Variants in HLA-DRB1 observed in about 807,000 individuals in gnomAD.
The protein encoded by HLA-DRB1 is major histocompatibility complex, class II, DR beta 1.
In HLA-DRB1, 10 loss-of-function variants were observed where a neutral mutation model predicts 27.9. The observed-to-expected ratio is 0.36, with a 90% CI of 0.22 to 0.61. The LOEUF (loss-of-function observed/expected upper bound fraction) is 0.61. Among genes scored for constraint, HLA-DRB1 ranks in the 20% least tolerant of loss-of-function variants. The pLI is 0.73. For synonymous variants in HLA-DRB1, 57 were observed against 126.7 expected, an observed-to-expected ratio of 0.45 and a Z score of 3.69; for missense variants, 118 against 306.3, an observed-to-expected ratio of 0.39 and a Z score of 4.59.
At chr6:32,582,951 AAT>A (rs1775778234) in intron 2 of HLA-DRB1, among the ~76,000 whole-genome samples, 3 of 117,572 alleles carry the variant, frequency 2.6e-5, no homozygotes, top group Admixed American at 9.6e-5. Context: ...CATTAATAAA[AAT>A]GTTGCAATAT....
chr6:32,582,029 AGGTGT>A (rs1561805280), intron 2 of HLA-DRB1, among the ~76,000 whole-genome samples, 191 bp from the exon 3 acceptor site: 1 of 124,016 alleles, frequency 8.1e-6, no homozygotes, highest in African/African-American at 3.3e-5. Flanking sequence ...TAGATTTGAG[AGGTGT>A]TGTGAAAAAT....
chr6:32,580,935 GA>G, intron 3 of HLA-DRB1, 79 bp from the exon 4 acceptor site: 1 of 937,452 alleles, frequency 1.1e-6, no homozygotes, highest in Non-Finnish European at 1.5e-6. Flanking sequence ...TTAGAGCTTT[GA>G]AAATGGGGCA....
intron 2 of HLA-DRB1, among the ~76,000 whole-genome samples, chr6:32,582,577 A>G (rs1394818411): frequency 9.8e-6 from 1 of 101,530 alleles, no homozygotes; most frequent in Admixed American, 1.2e-4. Context: ...GGAAGGTGGG[A>G]CAGACAGAAA....
intron 1 of HLA-DRB1, among the ~76,000 whole-genome samples, chr6:32,587,855 C>T (rs34007734): frequency 6.8e-6 from 1 of 147,248 alleles, no homozygotes. Flanking sequence ...AGAGTAGGGA[C>T]GCTCTCTAAC....
At chr6:32,589,482 C>T (rs28366212) in intron 1 of HLA-DRB1, among the ~76,000 whole-genome samples, 161 bp downstream of exon 1, 27,134 of 71,540 alleles carry the variant, frequency 0.38, 4,416 homozygotes, top group Middle Eastern at 0.57. Context: ...AGTACCCAAG[C>T]TCCTTTTATG....
At chr6:32,585,336 T>C (rs112405048) in intron 1 of HLA-DRB1, among the ~76,000 whole-genome samples, 3,645 of 67,760 alleles carry the variant, frequency 0.054, 93 homozygotes, top group Non-Finnish European at 0.062. Flanking sequence ...ACTCTCAAAC[T>C]CTATAATCAG....
chr6:32,578,845 C>A (rs6920823), exon 6 of HLA-DRB1: 7,082 of 342,976 alleles, frequency 0.021, 9 homozygotes, highest in African/African-American at 0.084. Flanking sequence ...CACGGGAGGC[C>A]ATACGGTTTA....
intron 3 of HLA-DRB1, 21 bp downstream of exon 3, chr6:32,581,536 G>T (rs9269799): frequency 0.31 from 186,580 of 597,240 alleles, 39,667 homozygotes; most frequent in Admixed American, 0.38. Flanking sequence ...GAGAAATTTA[G>T]GAAGTCAGAA....
intron 2 of HLA-DRB1, among the ~76,000 whole-genome samples, chr6:32,583,007 A>C (rs34530503): frequency 0.23 from 30,984 of 134,732 alleles, 1,486 homozygotes; most frequent in East Asian, 0.28. Flanking sequence ...ATGGAAAAGA[A>C]TTTTCAAAAT....
At chr6:32,582,104 G>T (rs9269828) in intron 2 of HLA-DRB1, among the ~76,000 whole-genome samples, 51,698 of 85,580 alleles carry the variant, frequency 0.6, 18,596 homozygotes, top group Middle Eastern at 0.74. Context: ...TACAAATCTT[G>T]GAAAGTACAG....
intron 2 of HLA-DRB1, among the ~76,000 whole-genome samples, chr6:32,583,197 T>A: frequency 1.6e-5 from 1 of 62,002 alleles, no homozygotes; most frequent in South Asian, 5.0e-4. Flanking sequence ...GAGCAATAAT[T>A]ATAATCGGCC....
chr6:32,584,382 T>G lies in HLA-DRB1; in HGVS notation c.101-4A>C, dbSNP rs114610112. ...TTAGGCTGCCACAGGAAACGTGCTG[T>G]GGGGACACGAACCATCCGGTCACAG... On this transcript the variant is annotated splice_region_variant and splice_polypyrimidine_tract_variant and intron_variant, in intron 1 of 5. Coordinates refer to ENST00000360004, the Ensembl canonical transcript of HLA-DRB1. 0.02 allele frequency: 14,394 copies of G among 725,116 alleles called. 765 individuals are homozygous for G. Among genetic ancestry groups the G allele is most frequent in the Admixed American group, 0.052 (1,423 of 27,194 alleles). The allele number at this position is 725,116 out of a possible 1,614,324, so 44.9% of individuals were successfully genotyped here.
chr6:32,586,848 A>G lies in HLA-DRB1; in HGVS notation c.101-2470T>C, dbSNP rs1478881522. Among the ~76,000 whole-genome samples the G allele has an allele frequency of 3.3e-5, 3 of 91,200 alleles. No homozygotes were observed. The East Asian group carries it at 9.0e-4, about 27-fold the overall frequency. 59.8% of individuals were successfully genotyped at this position (91,200 alleles called of 152,430 possible). A position where few individuals can be genotyped will look rare whatever the true frequency, so the allele number is the denominator to read the frequency against. ...CCACCCATTTATTTGTCAAAAGAAAATCCTTAGGAATAAGCTTGATTGTTC... is the reference window on the plus strand; with the variant it reads ...CCACCCATTTATTTGTCAAAAGAAAGTCCTTAGGAATAAGCTTGATTGTTC... On this transcript the variant is annotated intron_variant, in intron 1 of 5. Transcript: ENST00000360004.
intron 2 of HLA-DRB1, among the ~76,000 whole-genome samples, chr6:32,582,339 C>T (rs28723989): frequency 0.26 from 32,292 of 123,014 alleles, 161 homozygotes; most frequent in East Asian, 0.32. Context: ...TTTATGAGGT[C>T]AGAAAGCTTC....
intron 1 of HLA-DRB1, among the ~76,000 whole-genome samples, chr6:32,585,942 C>A (rs1776319093): frequency 8.7e-6 from 1 of 114,838 alleles, no homozygotes; most frequent in African/African-American, 3.4e-5. Context: ...ACAGTCATTG[C>A]AAAATGTTAC....
At position 32,583,515 on chromosome 6, in the gene HLA-DRB1, C is replaced by CTAAAA. The variant is rs28986198; in HGVS notation, c.370+593_370+594insTTTTA. ...CAAAAAACTAGGAAGAAATTTAGAT[C>CTAAAA]TAAAGAAGCTTCAGAGGTGCCTCAG... On this transcript the variant is annotated intron_variant, in intron 2 of 5. Coordinates refer to ENST00000360004, the Ensembl canonical transcript of HLA-DRB1. 4.1e-4 allele frequency among the ~76,000 whole-genome samples: 25 copies of CTAAAA among 61,722 alleles called. 1 individual carries two copies. The highest frequency in any genetic ancestry group is 7.7e-4 in the Admixed American group (4 of 5,218). The allele number at this position is 61,722 out of a possible 152,430, so 40.5% of individuals were successfully genotyped here. A position where few individuals can be genotyped will look rare whatever the true frequency, so the allele number is the denominator to read the frequency against.
At chr6:32,580,724 C>CTT (rs769971915) in intron 4 of HLA-DRB1, 22 bp downstream of exon 4, 83 of 958,946 alleles carry the variant, frequency 8.7e-5, no homozygotes, top group Middle Eastern at 3.4e-4. Flanking sequence ...ATGGAGAGAG[C>CTT]CAGCTCCCAA....
intron 3 of HLA-DRB1, among the ~76,000 whole-genome samples, 154 bp downstream of exon 3, chr6:32,581,403 C>CA (rs1775463971): frequency 7.8e-3 from 308 of 39,710 alleles, no homozygotes; most frequent in African/African-American, 8.7e-3. Flanking sequence ...TCTAGAAACA[C>CA]CTACAGGGCT....
chr6:32,584,335 A>G (rs1136763), exon 2 of HLA-DRB1: 71,145 of 1,019,038 alleles, frequency 0.07, 3,150 homozygotes, highest in Middle Eastern at 0.15. Flanking sequence ...GCTCCGTCCC[A>G]TTGAAGAAAT....
Sources: allele counts gnomAD v4.1 joint callset (sites outside exome capture counted in the v4.1 genomes callset), GRCh38; gene constraint gnomAD v4.1.1; transcripts MANE v1.5; gene names NCBI Gene and HGNC (gene_info 2026-07-23, HGNC 2026-07-21).